CARS1: variants seen among roughly 807,000 people sequenced by gnomAD.
CARS1 encodes cysteinyl-tRNA synthetase 1.
Under a neutral mutation model 106.2 loss-of-function variants are expected in CARS1, and 48 were observed. That is an observed-to-expected ratio of 0.45 (90% confidence interval 0.36 to 0.57). The LOEUF is 0.57. CARS1 is among the 20% of genes least tolerant of loss of function. The pLI is 0.00. For missense variants in CARS1, 968 were observed against 1,057.2 expected, an observed-to-expected ratio of 0.92 and a Z score of 1.17; for synonymous variants, 409 against 403.4, an observed-to-expected ratio of 1.01 and a Z score of -0.17.
At position 3,040,022 on chromosome 11, in the gene CARS1, T is replaced by C. The variant is rs1590499289; in HGVS notation, c.456-91A>G. ...CGTGTTTGAACTGCATGAGTGCATT[T>C]ATATATGATTTTCTCTGCCATCCCT... On this transcript the variant is annotated intron_variant, in intron 4 of 22. Coordinates refer to ENST00000380525, the MANE Select transcript of CARS1 (RefSeq NM_001014437.3). The surrounding 1 kb of genome is among the most constrained non-coding windows in gnomAD (Gnocchi z 5.8). 8 of 652,616 alleles carry C rather than the reference T, an allele frequency of 1.2e-5. No homozygotes were observed. The East Asian group carries it at 2.4e-4, about 20-fold the overall frequency. The allele number at this position is 652,616 out of a possible 1,614,324, so 40.4% of individuals were successfully genotyped here.
chr11:3,037,585 G>GAT lies in CARS1; in HGVS notation c.801+463_801+464dup, dbSNP rs1248193301. 1.3e-5 allele frequency among the ~76,000 whole-genome samples: 2 copies of GAT among 152,184 alleles called. No homozygotes were observed. Among genetic ancestry groups the GAT allele is most frequent in the Non-Finnish European group, 2.9e-5 (2 of 68,020 alleles). On this transcript the variant is annotated intron_variant, in intron 7 of 22. Coordinates refer to ENST00000380525, the MANE Select transcript of CARS1 (RefSeq NM_001014437.3). The surrounding 1 kb of genome is among the most constrained non-coding windows in gnomAD (Gnocchi z 5.9). ...AGGTCTCTGCCCTGTGTCTGAAGGA[G>GAT]ATATTGGCAGGGGCAGGAGAGCTGG...
At position 3,005,381 on chromosome 11, in the gene CARS1, T is replaced by C; in HGVS notation, c.2202A>G (p.Arg734=). 1.9e-6 allele frequency: 3 copies of C among 1,613,178 alleles called. No individual in the cohort carries two copies. Among genetic ancestry groups the C allele is most frequent in the Non-Finnish European group, 2.5e-6 (3 of 1,179,180 alleles). ...LVDRNTLLKE[R]EEKRRVEEEK... is the part of the protein sequence containing the mutation. The stretch of plus-strand genomic sequence containing the variant: ...CTTTACTCACCCGTCTCTTTTCTTC[T>C]CTCTCTTTTAATAAGGTGTTTCTGT... The change falls in exon 20 of 23, where the codon AGA becomes AGG. Residue 734 remains arginine (R), a synonymous_variant. Coordinates refer to ENST00000380525, the MANE Select transcript of CARS1 (RefSeq NM_001014437.3).
intron 18 of CARS1, among the ~76,000 whole-genome samples, chr11:3,011,010 G>A (rs1850395761): frequency 6.6e-6 from 1 of 152,222 alleles, no homozygotes; most frequent in Non-Finnish European, 1.5e-5. Flanking sequence ...AGGTGATGGA[G>A]TAGCACTCGA....
intron 18 of CARS1, among the ~76,000 whole-genome samples, chr11:3,009,797 AT>A (rs544062093): frequency 1.0e-3 from 155 of 152,304 alleles, no homozygotes; most frequent in African/African-American, 3.6e-3. Context: ...GGCCAAGCAG[AT>A]CCCAGCTGAT....
Position 3,041,144 on chromosome 11 carries a change from G to T in CARS1, c.367-160C>A. 8.5e-7 allele frequency: 1 copy of T among 1,169,694 alleles called. No homozygotes were observed. Among genetic ancestry groups the T allele is most frequent in the Non-Finnish European group, 1.2e-6 (1 of 836,356 alleles). The allele number at this position is 1,169,694 out of a possible 1,614,324, so 72.5% of individuals were successfully genotyped here. On this transcript the variant is annotated intron_variant, in intron 3 of 22. Coordinates refer to ENST00000380525, the MANE Select transcript of CARS1 (RefSeq NM_001014437.3). The surrounding 1 kb of genome is among the most constrained non-coding windows in gnomAD (Gnocchi z 4.9). ...CTGTGAAAAGTCACAGTCTCAGTGG[G>T]AGCCCAGTGAGATGTACGGCACCTC...
intron 7 of CARS1, among the ~76,000 whole-genome samples, chr11:3,031,979 T>A: frequency 7.2e-6 from 1 of 138,766 alleles, no homozygotes; most frequent in Non-Finnish European, 1.6e-5. Context: ...TCTGTTCTTT[T>A]CTTTCTCCTT....
intron 18 of CARS1, among the ~76,000 whole-genome samples, chr11:3,010,193 C>G (rs77679200): frequency 6.6e-6 from 1 of 152,264 alleles, no homozygotes; most frequent in East Asian, 1.9e-4. Context: ...TCAGTGCCAC[C>G]GAGCGGGAGC....
At chr11:3,027,249 T>C (rs1852180853) in intron 9 of CARS1, 1 of 154,776 alleles carries the variant, frequency 6.5e-6, no homozygotes, top group African/African-American at 2.4e-5. Context: ...CAGGCTCTTA[T>C]GCTGCCCCAC....
intron 2 of CARS1, 112 bp downstream of exon 2, chr11:3,047,641 G>A (rs1324643547): frequency 7.1e-6 from 10 of 1,411,646 alleles, no homozygotes; most frequent in East Asian, 2.3e-5. Flanking sequence ...ACACTTGGGC[G>A]AGGCTCCCTC....
rs894132767 is a variant in CARS1, at chr11:3,003,649, T to C, written c.2218-1049A>G. Among the ~76,000 whole-genome samples, 2 of 151,712 alleles carry C rather than the reference T, an allele frequency of 1.3e-5. No individual in the cohort carries two copies. The highest frequency in any genetic ancestry group is 2.9e-5 in the Non-Finnish European group (2 of 67,934). Reference sequence around the variant, plus strand: ...CCAACAGGATCGAGCTCTTTCGAGATAGATGGAGGGAGAGCAGGGCTGGCC... The same window carrying C: ...CCAACAGGATCGAGCTCTTTCGAGACAGATGGAGGGAGAGCAGGGCTGGCC... On this transcript the variant is annotated intron_variant, in intron 20 of 22. Transcript: ENST00000380525. This position sits in a 1 kb window ranked among gnomAD's most constrained non-coding sequence, Gnocchi z 4.8.
chr11:3,015,637 C>G (rs1381108859), intron 17 of CARS1, 144 bp downstream of exon 17: 1 of 721,516 alleles, frequency 1.4e-6, no homozygotes, highest in Admixed American at 2.1e-5. Flanking sequence ...CTCTCAGAGC[C>G]AGAATTGCCA....
chr11:3,036,175 C>T (rs1353601065), intron 7 of CARS1, among the ~76,000 whole-genome samples: 1 of 152,234 alleles, frequency 6.6e-6, no homozygotes, highest in East Asian at 1.9e-4. Flanking sequence ...GCAGCCTGCC[C>T]ATGGATGATT....
In CARS1 at chr11:3,037,536, G is replaced by A. The variant is rs978040746; in HGVS notation, c.801+514C>T. ...CAGCCACAGGGAAAGGCCTGAGGAA[G>A]AGGGCAGGGTCCCCTCTGCACCCAG... On this transcript the variant is annotated intron_variant, in intron 7 of 22. Coordinates refer to ENST00000380525, the MANE Select transcript of CARS1 (RefSeq NM_001014437.3). The surrounding 1 kb of genome is among the most constrained non-coding windows in gnomAD (Gnocchi z 5.9). 5.9e-5 allele frequency among the ~76,000 whole-genome samples: 9 copies of A among 152,258 alleles called. No homozygotes were observed. Among genetic ancestry groups the A allele is most frequent in the Admixed American group, 3.9e-4 (6 of 15,292 alleles).
chr11:3,029,589 T>C lies in CARS1; in HGVS notation c.802-146A>G. On this transcript the variant is annotated intron_variant, in intron 7 of 22. Coordinates refer to ENST00000380525, the MANE Select transcript of CARS1 (RefSeq NM_001014437.3). This position sits in a 1 kb window ranked among gnomAD's most constrained non-coding sequence, Gnocchi z 5.9. Reference sequence around the variant, plus strand: ...GAGCCACCGTCTCCTAGGGAGACTGTGATGCTTACACAACTGGCTCGGCAG... The same window carrying C: ...GAGCCACCGTCTCCTAGGGAGACTGCGATGCTTACACAACTGGCTCGGCAG... The C allele has an allele frequency of 1.3e-6, 1 of 764,196 alleles. No individual in the cohort carries two copies. The highest frequency in any genetic ancestry group is 1.9e-5 in the South Asian group (1 of 53,670). The allele number at this position is 764,196 out of a possible 1,614,324, so 47.3% of individuals were successfully genotyped here.
In CARS1 at chr11:3,001,265, C is replaced by T. The variant is rs980651337; in HGVS notation, c.2362-17G>A. On this transcript the variant is annotated splice_polypyrimidine_tract_variant and intron_variant, in intron 22 of 22. Coordinates refer to ENST00000380525, the MANE Select transcript of CARS1 (RefSeq NM_001014437.3). ...GGGCAGACCCTGAAAACCCAGAGCA[C>T]AGCGGCTATTGGTCTCCTCTGCACC... 8.1e-6 allele frequency: 13 copies of T among 1,612,208 alleles called. No individual in the cohort carries two copies. The African/African-American group carries it at 1.6e-4, about 20-fold the overall frequency.
intron 18 of CARS1, 71 bp from the exon 19 acceptor site, chr11:3,007,030 G>C: frequency 8.1e-7 from 1 of 1,229,146 alleles, no homozygotes; most frequent in South Asian, 1.2e-5. Flanking sequence ...GCCTCCTCCA[G>C]TGCTGGGGAA....
In CARS1 at chr11:3,007,066, G is replaced by A. The variant is rs1196670485; in HGVS notation, c.2069-107C>T. 5 of 930,426 alleles carry A rather than the reference G, an allele frequency of 5.4e-6. No homozygotes were observed. In the East Asian group the frequency reaches 1.2e-4, roughly 22 times the overall value. 57.6% of individuals were successfully genotyped at this position (930,426 alleles called of 1,614,324 possible). On this transcript the variant is annotated intron_variant, in intron 18 of 22. Coordinates refer to ENST00000380525, the MANE Select transcript of CARS1 (RefSeq NM_001014437.3). ...GGAGGGGCCGTGGCCCACAGAACAAGTGCCTCCTCCAGTGCTCAGGAGGGA... is the reference window on the plus strand; with the variant it reads ...GGAGGGGCCGTGGCCCACAGAACAAATGCCTCCTCCAGTGCTCAGGAGGGA...
At chr11:3,032,576 G>A (rs985771699) in intron 7 of CARS1, among the ~76,000 whole-genome samples, 14 of 152,090 alleles carry the variant, frequency 9.2e-5, no homozygotes. Context: ...GAGGTGGGCT[G>A]GGTGAGGAAG....
rs753105060 is a variant in CARS1 at position 3,029,473 on chromosome 11, CG to C, written c.802-31del. On this transcript the variant is annotated intron_variant, in intron 7 of 22. Coordinates refer to ENST00000380525, the MANE Select transcript of CARS1 (RefSeq NM_001014437.3). The surrounding 1 kb of genome is among the most constrained non-coding windows in gnomAD (Gnocchi z 5.9). ...AGAGAAAGAAACAAAAATCCAGCAG[CG>C]GGCCACACACTTCACATGAGAACAT... 2.5e-6 allele frequency: 4 copies of C among 1,609,420 alleles called. No individual in the cohort carries two copies. In the African/African-American group the frequency reaches 5.3e-5, roughly 21 times the overall value.
Sources: allele counts gnomAD v4.1 joint callset (sites outside exome capture counted in the v4.1 genomes callset), GRCh38; gene constraint gnomAD v4.1.1; non-coding constraint Gnocchi (gnomAD v3.1); transcripts MANE v1.5; gene names NCBI Gene and HGNC (gene_info 2026-07-23, HGNC 2026-07-21).